GMDS: variants seen among roughly 807,000 people sequenced by gnomAD.
GMDS encodes GDP-mannose 4,6 dehydratase.
Under a neutral mutation model 49.9 loss-of-function variants are expected in GMDS, and 20 were observed. The ratio of observed to expected loss-of-function variants is 0.40; its 90% CI spans 0.28 to 0.58. The LOEUF is 0.58. Among genes scored for constraint, GMDS ranks in the 20% least tolerant of loss-of-function variants. The pLI, the probability that GMDS is intolerant of heterozygous loss-of-function variation, is 0.42. For synonymous variants in GMDS, 177 were observed against 178.6 expected, an observed-to-expected ratio of 0.99 and a Z score of 0.07; for missense variants, 362 against 481.4, an observed-to-expected ratio of 0.75 and a Z score of 2.32.
At chr6:1,730,513 G>A (rs1039567602) in intron 8 of GMDS, among the ~76,000 whole-genome samples, 3 of 152,134 alleles carry the variant, frequency 2.0e-5, no homozygotes, top group Non-Finnish European at 2.9e-5. Flanking sequence ...TTCCCTCCCC[G>A]ACACTCACTG....
chr6:1,720,727 C>A (rs1176095244), intron 9 of GMDS, among the ~76,000 whole-genome samples: 1 of 152,160 alleles, frequency 6.6e-6, no homozygotes, highest in Non-Finnish European at 1.5e-5. Flanking sequence ...TCCACATCCT[C>A]TGACCCTGGC....
chr6:1,814,987 G>A (rs138755303), intron 7 of GMDS, among the ~76,000 whole-genome samples: 40 of 152,230 alleles, frequency 2.6e-4, no homozygotes, highest in Non-Finnish European at 4.0e-4. Context: ...CACATTTGTG[G>A]ACAACAGGCA....
At chr6:2,010,825 T>A (rs186324682) in intron 4 of GMDS, among the ~76,000 whole-genome samples, 71 of 152,218 alleles carry the variant, frequency 4.7e-4, no homozygotes, top group Admixed American at 9.8e-4. Flanking sequence ...GGAAATAAAA[T>A]CTATGAAAAC....
In GMDS at chr6:2,244,691, GGATACA is replaced by G. The variant is rs1781778088; in HGVS notation, c.102+624_102+629del. ...CCGCACTTTTGGACCAGTGTGCCTC[GGATACA>G]CTTCCAAATGTGTCAACCTGAATCT... is the stretch of plus-strand genomic sequence containing the variant. On this transcript the variant is annotated intron_variant, in intron 1 of 10. Transcript: ENST00000380815. 3.3e-5 allele frequency among the ~76,000 whole-genome samples: 5 copies of G among 152,204 alleles called. No individual in the cohort carries two copies. In the South Asian group the frequency reaches 1.0e-3, roughly 32 times the overall value.
At chr6:2,093,208 G>C (rs1467472123) in intron 4 of GMDS, among the ~76,000 whole-genome samples, 1 of 152,086 alleles carries the variant, frequency 6.6e-6, no homozygotes, top group African/African-American at 2.4e-5. Flanking sequence ...ATTGAGTTTT[G>C]AGAAATCTCT....
intron 9 of GMDS, among the ~76,000 whole-genome samples, chr6:1,641,672 C>T (rs1763334435): frequency 6.6e-6 from 1 of 152,214 alleles, no homozygotes; most frequent in African/African-American, 2.4e-5. Context: ...CTCCAGCAGT[C>T]AGGCGCGTAC....
intron 7 of GMDS, among the ~76,000 whole-genome samples, chr6:1,782,818 G>A (rs561357962): frequency 2.0e-5 from 3 of 152,300 alleles, no homozygotes; most frequent in African/African-American, 4.8e-5. Flanking sequence ...CTAATTCTCA[G>A]AATAACGTTG....
chr6:2,242,753 T>G (rs1256077587), intron 1 of GMDS, among the ~76,000 whole-genome samples: 1 of 152,240 alleles, frequency 6.6e-6, no homozygotes, highest in East Asian at 1.9e-4. Context: ...GGGAACATAT[T>G]TAACCTTACT....
At chr6:2,208,286 C>A (rs1779898309) in intron 1 of GMDS, among the ~76,000 whole-genome samples, 1 of 152,184 alleles carries the variant, frequency 6.6e-6, no homozygotes, top group Non-Finnish European at 1.5e-5. Context: ...ATTTATCCAT[C>A]ATTTTCAGGA....
chr6:2,200,800 C>T (rs540468772), intron 1 of GMDS, among the ~76,000 whole-genome samples: 2 of 96,032 alleles, frequency 2.1e-5, no homozygotes, highest in African/African-American at 9.1e-5. Flanking sequence ...AGGATGAAGA[C>T]AGAGCACCAA....
intron 1 of GMDS, among the ~76,000 whole-genome samples, chr6:2,202,116 T>A (rs1350765174): frequency 7.1e-6 from 1 of 141,108 alleles, no homozygotes; most frequent in Non-Finnish European, 1.5e-5. Context: ...GATGTAACCA[T>A]CTAGGCAGTG....
intron 5 of GMDS, 64 bp downstream of exon 5, chr6:1,960,708 AAC>A: frequency 2.8e-6 from 3 of 1,087,088 alleles, no homozygotes; most frequent in East Asian, 2.4e-5. Flanking sequence ...TGAAAGGAAA[AAC>A]ACACACCCCC....
intron 4 of GMDS, among the ~76,000 whole-genome samples, chr6:1,982,198 T>C (rs1765258230): frequency 6.6e-6 from 1 of 152,038 alleles, no homozygotes; most frequent in Non-Finnish European, 1.5e-5. Flanking sequence ...CCTAGCTACT[T>C]GGTAGGCTGA....
At chr6:2,226,936 G>A (rs1475466016) in intron 1 of GMDS, among the ~76,000 whole-genome samples, 2 of 152,136 alleles carry the variant, frequency 1.3e-5, no homozygotes, top group Non-Finnish European at 2.9e-5. Flanking sequence ...GATTCCAGAT[G>A]GAATTTAAGT....
Position 1,742,454 on chromosome 6 carries a change from T to G in GMDS, c.890+14A>C. ...CCAGAGAGCTACAAGTAGTCATTTC[T>G]CAGGTATACTTACACAATGGTTTTT... On this transcript the variant is annotated intron_variant, in intron 8 of 10. Coordinates refer to ENST00000380815, the MANE Select transcript of GMDS (RefSeq NM_001500.4). The G allele has an allele frequency of 1.4e-6, 2 of 1,432,088 alleles. No individual in the cohort carries two copies. Among genetic ancestry groups the G allele is most frequent in the Non-Finnish European group, 2.0e-6 (2 of 1,015,360 alleles). 88.7% of individuals were successfully genotyped at this position (1,432,088 alleles called of 1,614,324 possible).
intron 9 of GMDS, among the ~76,000 whole-genome samples, chr6:1,678,481 C>T (rs1764691429): frequency 6.6e-6 from 1 of 152,210 alleles, no homozygotes; most frequent in African/African-American, 2.4e-5. Context: ...TGCTGATTTT[C>T]AGTGTGTTTG....
intron 7 of GMDS, among the ~76,000 whole-genome samples, chr6:1,756,350 G>A (rs147003154): frequency 0.012 from 1,807 of 150,000 alleles, 29 homozygotes; most frequent in African/African-American, 0.041. Context: ...TGCAACCTCC[G>A]CCTCCCGTGT....
intron 7 of GMDS, among the ~76,000 whole-genome samples, chr6:1,856,442 G>A (rs1757941071): frequency 6.6e-6 from 1 of 152,194 alleles, no homozygotes; most frequent in African/African-American, 2.4e-5. Context: ...GCTACCATAT[G>A]GAGTGCCAAA....
At chr6:2,134,493 G>C (rs1262866027) in intron 1 of GMDS, among the ~76,000 whole-genome samples, 1 of 152,160 alleles carries the variant, frequency 6.6e-6, no homozygotes, top group Admixed American at 6.5e-5. Context: ...GGTCTCAATA[G>C]CACCAAACTT....
Sources: allele counts gnomAD v4.1 joint callset (sites outside exome capture counted in the v4.1 genomes callset), GRCh38; gene constraint gnomAD v4.1.1; transcripts MANE v1.5; gene names NCBI Gene and HGNC (gene_info 2026-07-23, HGNC 2026-07-21).